The following TDRKH variants were observed in gnomAD, a reference collection of about 807,000 sequenced individuals.
TDRKH encodes the protein tudor and KH domain-containing protein.
A neutral mutation model predicts 61.3 loss-of-function variants in TDRKH; 28 were observed. The ratio of observed to expected loss-of-function variants is 0.46; its 90% CI spans 0.34 to 0.63. The LOEUF is 0.63. TDRKH is among the 20% of genes least tolerant of loss of function. The pLI is 0.01. For synonymous variants in TDRKH, 219 were observed against 244.4 expected (o/e 0.90, Z 0.97); for missense variants, 540 against 683.4 (o/e 0.79, Z 2.34).
At position 151,781,326 on chromosome 1, in the gene TDRKH, A is replaced by ATATATATATATATATATATATATATAT. The variant is rs1553282714; in HGVS notation, c.231+154_231+155insATATATATATATATATATATATATATA. 4.3e-3 allele frequency among the ~76,000 whole-genome samples: 96 copies of ATATATATATATATATATATATATATAT among 22,274 alleles called. 2 individuals are homozygous for ATATATATATATATATATATATATATAT. The highest frequency in any genetic ancestry group is 5.4e-3 in the African/African-American group (78 of 14,376). 14.6% of individuals were successfully genotyped at this position (22,274 alleles called of 152,430 possible). ...GAGCGAAACTCCATCTCAAAAAAAA[A>ATATATATATATATATATATATATATAT]AAATATATATATATATATTTTATAT... On this transcript the variant is annotated intron_variant, in intron 3 of 12. Transcript: ENST00000368824.
chr1:151,777,350 G>C (rs1380370156), intron 6 of TDRKH, among the ~76,000 whole-genome samples: 2 of 152,072 alleles, frequency 1.3e-5, no homozygotes, highest in East Asian at 3.9e-4. Flanking sequence ...GGAGGCTGAG[G>C]CATGAGAATC....
chr1:151,770,627 A>C (rs1053361035), downstream of TDRKH: 2 of 249,488 alleles, frequency 8.0e-6, no homozygotes, highest in African/African-American at 4.6e-5. Flanking sequence ...GGATGCCTGG[A>C]GCATATGTTA....
intron 1 of TDRKH, among the ~76,000 whole-genome samples, chr1:151,789,429 T>G (rs946925005): frequency 2.6e-5 from 4 of 152,208 alleles, no homozygotes; most frequent in Admixed American, 2.6e-4. Context: ...TGTTTGATTT[T>G]ATTACTTAAA....
chr1:151,780,204 A>C (rs1649613727), intron 3 of TDRKH, 64 bp from the exon 4 acceptor site: 33 of 1,533,038 alleles, frequency 2.2e-5, no homozygotes, highest in Non-Finnish European at 2.8e-5. Flanking sequence ...CCAGCTACAG[A>C]CACTCTAAAA....
Position 151,778,963 on chromosome 1 carries a change from T to A in TDRKH, c.605A>T (p.Lys202Met). Residue 202 changes from lysine (K) to methionine (M), a missense_variant, in exon 6 of 13, where the codon AAG becomes ATG. Transcript: ENST00000368824. ...EKVSEDEELR[K>M]RIAHSAETRV... ...GGTTTCTGCAGAATGAGCAATTCTC[T>A]TCCGAAGTTCTTCATCTTCTGAAAC... is the stretch of plus-strand genomic sequence containing the variant. 1.2e-6 allele frequency: 2 copies of A among 1,614,136 alleles called. No individual in the cohort carries two copies. The highest frequency in any genetic ancestry group is 1.7e-6 in the Non-Finnish European group (2 of 1,180,014).
downstream of TDRKH, chr1:151,767,363 G>C: frequency 6.4e-7 from 1 of 1,570,004 alleles, no homozygotes; most frequent in Non-Finnish European, 8.6e-7. Context: ...TTGCAGAGGA[G>C]GGACATTAGC....
downstream of TDRKH, chr1:151,767,234 G>A: frequency 6.2e-7 from 1 of 1,614,032 alleles, no homozygotes; most frequent in Non-Finnish European, 8.5e-7. Context: ...TGAGTCCCTA[G>A]TAGGCCTCCA....
At chr1:151,775,231 A>C in intron 10 of TDRKH, 65 bp from the exon 11 acceptor site, 1 of 1,583,936 alleles carries the variant, frequency 6.3e-7, no homozygotes, top group South Asian at 1.1e-5. Context: ...TGAGGAAACA[A>C]GGCAGAAGGA....
At chr1:151,768,201 A>T (rs767830498), downstream of TDRKH, 1 of 1,613,566 alleles carries the variant, frequency 6.2e-7, no homozygotes, top group Non-Finnish European at 8.5e-7. Flanking sequence ...TGGATATCCC[A>T]TATCAGGCCT....
chr1:151,770,410 T>G (rs2101563823), downstream of TDRKH: 2 of 1,167,674 alleles, frequency 1.7e-6, no homozygotes, highest in South Asian at 1.5e-5. Flanking sequence ...GGTGGGAAGT[T>G]GTAACTTGTT....
chr1:151,766,922 T>C (rs1433387794), downstream of TDRKH: 3 of 1,541,090 alleles, frequency 1.9e-6, no homozygotes, highest in Admixed American at 3.6e-5. Context: ...TAGTTGTTTA[T>C]ATAAAATGTA....
chr1:151,773,400 G>C (rs746495441), downstream of TDRKH: 1 of 152,610 alleles, frequency 6.6e-6, no homozygotes, highest in Non-Finnish European at 1.5e-5. Context: ...TCATAGATGT[G>C]ATCCTTTCTG....
chr1:151,783,848 A>G (rs1266220713), intron 1 of TDRKH: 1 of 152,268 alleles, frequency 6.6e-6, no homozygotes, highest in African/African-American at 2.4e-5. Context: ...GACATCAACA[A>G]TGCTGCATCT....
chr1:151,778,761 A>G lies in TDRKH; in HGVS notation c.807T>C (p.Gly269=), dbSNP rs1412461803. ...TGTCATCACTAGGTTTCTCCCAGGA[A>G]CCTTCCTTTGACACTACCACAGCCA... ...GDMAVVVSKE[G]SWEKPSDDSF... The change falls in exon 6 of 13, where the codon GGT becomes GGC. Residue 269 remains glycine, a synonymous_variant. Coordinates refer to ENST00000368824, the MANE Select transcript of TDRKH (RefSeq NM_001083965.2). The G allele has an allele frequency of 7.4e-6, 12 of 1,614,208 alleles. No homozygotes were observed. The South Asian group carries it at 1.3e-4, about 18-fold the overall frequency.
downstream of TDRKH, chr1:151,768,072 G>A (rs990575997): frequency 1.1e-5 from 18 of 1,613,778 alleles, no homozygotes; most frequent in East Asian, 2.2e-5. Context: ...GGAACTTGAC[G>A]GTGCTGGCTA....
At chr1:151,769,723 C>G (rs556066090), downstream of TDRKH, among the ~76,000 whole-genome samples, 3 of 152,138 alleles carry the variant, frequency 2.0e-5, no homozygotes, top group African/African-American at 7.2e-5. Context: ...CCAAGGCAGG[C>G]GGCTGGGAGG....
chr1:151,769,285 G>GGCTGC (rs1305303402), downstream of TDRKH: 8 of 144,776 alleles, frequency 5.5e-5, no homozygotes, highest in African/African-American at 2.0e-4. Context: ...GCCGGGTGGG[G>GGCTGC]ACTGCCCCCC....
In TDRKH at chr1:151,774,517, A is replaced by G; in HGVS notation, c.1634-13T>C. 1.2e-6 allele frequency: 2 copies of G among 1,614,126 alleles called. No homozygotes were observed. The highest frequency in any genetic ancestry group is 1.7e-6 in the Non-Finnish European group (2 of 1,179,970). On this transcript the variant is annotated splice_polypyrimidine_tract_variant and intron_variant, in intron 12 of 12. Coordinates refer to ENST00000368824, the MANE Select transcript of TDRKH (RefSeq NM_001083965.2). Reference sequence around the variant, plus strand: ...ATGGAAGCAGCTTCTATTGAAGATAAATAAGAAGGAGAAAGTTAGACACTG... The same window carrying G: ...ATGGAAGCAGCTTCTATTGAAGATAGATAAGAAGGAGAAAGTTAGACACTG...
At position 151,779,090 on chromosome 1, in the gene TDRKH, A is replaced by G. The variant is rs747722499; in HGVS notation, c.561+13T>C. 2 of 1,613,802 alleles carry G rather than the reference A, an allele frequency of 1.2e-6. No homozygotes were observed. Among genetic ancestry groups the G allele is most frequent in the African/African-American group, 1.3e-5 (1 of 74,920 alleles). ...TCATGCTCAGGTATAATTCAAGTCT[A>G]TTAGCTACTTGCCTTGGCTGCTGCC... On this transcript the variant is annotated intron_variant, in intron 5 of 12. Coordinates refer to ENST00000368824, the MANE Select transcript of TDRKH (RefSeq NM_001083965.2).
Sources: gnomAD v4.1 joint callset for allele counts (sites outside exome capture counted in the v4.1 genomes callset) on GRCh38, gnomAD v4.1.1 for gene constraint, MANE v1.5 for transcripts, NCBI Gene and HGNC (gene_info 2026-07-23, HGNC 2026-07-21) for gene names.